The following CCDC91 variants were observed in gnomAD, a reference collection of about 807,000 sequenced individuals.
CCDC91 encodes the protein coiled-coil domain-containing protein 91.
A neutral mutation model predicts 63.2 loss-of-function variants in CCDC91; 48 were observed. The ratio of observed to expected loss-of-function variants is 0.76; its 90% confidence interval spans 0.60 to 0.97. The LOEUF (loss-of-function observed/expected upper bound fraction) is 0.97. CCDC91 is among the 50% of genes least tolerant of loss of function. The pLI is 0.00. For missense variants in CCDC91, 500 were observed against 494.6 expected, an observed-to-expected ratio of 1.01 and a Z score of -0.10; for synonymous variants, 167 against 165.8, an observed-to-expected ratio of 1.01 and a Z score of -0.06.
chr12:28,548,908 G>A (rs1261463436), intron 12 of CCDC91, among the ~76,000 whole-genome samples, 155 bp from the exon 13 acceptor site: 1 of 152,138 alleles, frequency 6.6e-6, no homozygotes, highest in African/African-American at 2.4e-5. Context: ...CAGAAAGAGT[G>A]ACTTTACTGT....
At chr12:28,375,635 A>G (rs1944898758) in intron 7 of CCDC91, among the ~76,000 whole-genome samples, 1 of 151,962 alleles carries the variant, frequency 6.6e-6, no homozygotes, top group African/African-American at 2.4e-5. Flanking sequence ...TCATGATTTC[A>G]AAAATCTTTT....
chr12:28,470,326 T>G (rs1053075050), intron 11 of CCDC91, among the ~76,000 whole-genome samples: 1 of 152,028 alleles, frequency 6.6e-6, no homozygotes, highest in African/African-American at 2.4e-5. Context: ...AAAACACATA[T>G]GAAAAGATGT....
chr12:28,275,407 C>T (rs1248350145), intron 3 of CCDC91, among the ~76,000 whole-genome samples: 3 of 152,040 alleles, frequency 2.0e-5, no homozygotes, highest in African/African-American at 7.2e-5. Context: ...TACACCCTCC[C>T]AAGACTAAAC....
At chr12:28,200,732 C>T (rs1312286220) in intron 1 of CCDC91, among the ~76,000 whole-genome samples, 9 of 150,062 alleles carry the variant, frequency 6.0e-5, no homozygotes, top group Non-Finnish European at 8.9e-5. Context: ...CCTTTCCCCC[C>T]TTTCTATTCC....
intron 7 of CCDC91, among the ~76,000 whole-genome samples, chr12:28,389,524 C>A (rs1240563012): frequency 2.6e-5 from 4 of 151,880 alleles, no homozygotes; most frequent in African/African-American, 9.7e-5. Flanking sequence ...ACAAATCAAC[C>A]CCTAGAGGAA....
chr12:28,459,767 G>A (rs2140442308), intron 11 of CCDC91, among the ~76,000 whole-genome samples: 1 of 152,260 alleles, frequency 6.6e-6, no homozygotes. Flanking sequence ...TCATAGTAAA[G>A]TAGTACACTC....
intron 11 of CCDC91, among the ~76,000 whole-genome samples, chr12:28,454,660 C>T (rs1483113678): frequency 3.3e-5 from 5 of 152,070 alleles, no homozygotes; most frequent in Non-Finnish European, 5.9e-5. Flanking sequence ...GGTCCTGTTA[C>T]GGCTCTGAGA....
At chr12:28,548,759 A>G (rs1425180223) in intron 12 of CCDC91, among the ~76,000 whole-genome samples, 1 of 152,122 alleles carries the variant, frequency 6.6e-6, no homozygotes, top group East Asian at 1.9e-4. Context: ...GCGTATATAC[A>G]CTAAGAACTG....
chr12:28,344,360 T>C (rs1942656295), intron 6 of CCDC91, among the ~76,000 whole-genome samples: 1 of 152,136 alleles, frequency 6.6e-6, no homozygotes, highest in Non-Finnish European at 1.5e-5. Flanking sequence ...CCAATGAATA[T>C]GTATTAGAAA....
At chr12:28,523,227 C>G (rs965683203) in intron 12 of CCDC91, among the ~76,000 whole-genome samples, 2 of 152,126 alleles carry the variant, frequency 1.3e-5, no homozygotes, top group African/African-American at 4.8e-5. Context: ...TTGTAGGTCT[C>G]TAAGGACTTG....
At chr12:28,513,210 G>A (rs552264838) in intron 12 of CCDC91, among the ~76,000 whole-genome samples, 1 of 152,012 alleles carries the variant, frequency 6.6e-6, no homozygotes, top group South Asian at 2.1e-4. Flanking sequence ...TAATGTTATT[G>A]AGTATTCATA....
intron 8 of CCDC91, among the ~76,000 whole-genome samples, chr12:28,411,807 A>G (rs1947333989): frequency 6.6e-6 from 1 of 152,202 alleles, no homozygotes; most frequent in South Asian, 2.1e-4. Flanking sequence ...AAAGAAACCA[A>G]GCAAACCACC....
intron 1 of CCDC91, among the ~76,000 whole-genome samples, chr12:28,224,246 A>G (rs1447154866): frequency 6.6e-6 from 1 of 152,180 alleles, no homozygotes; most frequent in Non-Finnish European, 1.5e-5. Context: ...GAGTCATCCC[A>G]TATGATTTTG....
At chr12:28,479,557 T>C (rs1275506521) in intron 11 of CCDC91, among the ~76,000 whole-genome samples, 2 of 152,174 alleles carry the variant, frequency 1.3e-5, no homozygotes, top group Non-Finnish European at 2.9e-5. Flanking sequence ...GGCACATGTA[T>C]ACATATGTAA....
intron 6 of CCDC91, among the ~76,000 whole-genome samples, chr12:28,352,272 T>A (rs909429580): frequency 2.6e-5 from 4 of 152,212 alleles, no homozygotes; most frequent in Non-Finnish European, 5.9e-5. Flanking sequence ...AAGGTTGGTG[T>A]GGCTGTTGCA....
intron 6 of CCDC91, among the ~76,000 whole-genome samples, chr12:28,356,639 G>A (rs1468342663): frequency 6.6e-6 from 1 of 152,154 alleles, no homozygotes; most frequent in African/African-American, 2.4e-5. Context: ...CAAGAAGGTG[G>A]TGGTGAAGCC....
At chr12:28,268,020 TTTAATTA>T (rs752729676) in intron 3 of CCDC91, among the ~76,000 whole-genome samples, 347 of 131,156 alleles carry the variant, frequency 2.6e-3, no homozygotes, top group Non-Finnish European at 4.0e-3. Flanking sequence ...TGATTAATAA[TTTAATTA>T]TTAATTATTA....
intron 12 of CCDC91, among the ~76,000 whole-genome samples, chr12:28,497,060 T>C (rs1014554878): frequency 1.2e-4 from 18 of 150,716 alleles, no homozygotes; most frequent in Non-Finnish European, 2.5e-4. Context: ...ATGTTAGTTA[T>C]AGTACTTTTT....
intron 3 of CCDC91, among the ~76,000 whole-genome samples, chr12:28,298,401 C>CTTTTACTTTA (rs1451706695): frequency 1.1e-4 from 16 of 149,482 alleles, no homozygotes; most frequent in Non-Finnish European, 2.1e-4. Context: ...CTAGTTGGCC[C>CTTTTACTTTA]CTATTAGTCT....
Sources: allele counts gnomAD v4.1 joint callset (sites outside exome capture counted in the v4.1 genomes callset), GRCh38; gene constraint gnomAD v4.1.1; transcripts MANE v1.5; gene names NCBI Gene and HGNC (gene_info 2026-07-23, HGNC 2026-07-21).